CACNA1B: variants seen among roughly 807,000 people sequenced by gnomAD.
CACNA1B encodes calcium voltage-gated channel subunit alpha1 B, also known as voltage-dependent N-type calcium channel subunit alpha-1B.
Under a neutral mutation model 247.2 loss-of-function variants are expected in CACNA1B, and 70 were observed. The observed-to-expected ratio is 0.28, with a 90% CI of 0.23 to 0.35. The LOEUF (loss-of-function observed/expected upper bound fraction) is 0.35, where lower values mean the gene tolerates loss of function less well. CACNA1B is among the 10% of genes least tolerant of loss of function. The probability of loss-of-function intolerance (pLI) is 1.00; values close to 1 mark genes in which losing one functional copy is unlikely to be tolerated. For missense variants in CACNA1B, 2,367 were observed against 3,197.4 expected (o/e 0.74, Z 6.26); for synonymous variants, 1,231 against 1,294.4 (o/e 0.95, Z 1.05).
chr9:137,988,543 T>C (rs922073470), intron 15 of CACNA1B, among the ~76,000 whole-genome samples: 9 of 152,076 alleles, frequency 5.9e-5, no homozygotes, highest in African/African-American at 2.2e-4. Flanking sequence ...AGACATTACA[T>C]GCCCCCTGCT....
intron 6 of CACNA1B, among the ~76,000 whole-genome samples, chr9:137,927,747 G>A (rs928512899): frequency 6.6e-6 from 1 of 152,264 alleles, no homozygotes; most frequent in Non-Finnish European, 1.5e-5. Context: ...TTAGCTGTAC[G>A]GTTGAGTTGT....
Position 138,100,042 on chromosome 9 carries a change from C to G in CACNA1B, c.5223-2669C>G, listed in dbSNP as rs1961201562. ...GTGAGACCACATGGTGACTGTAGCT[C>G]AAGGCCAGGGCATTTCTGAGGAAGG... On this transcript the variant is annotated intron_variant, in intron 37 of 46. Transcript: ENST00000371372. The surrounding 1 kb of genome is among the most constrained non-coding windows in gnomAD (Gnocchi z 4.6). Among the ~76,000 whole-genome samples the G allele has an allele frequency of 6.6e-6, 1 of 152,248 alleles. No individual in the cohort carries two copies. The highest frequency in any genetic ancestry group is 2.1e-4 in the South Asian group (1 of 4,836).
intron 3 of CACNA1B, among the ~76,000 whole-genome samples, chr9:137,895,881 C>T (rs574755568): frequency 2.6e-5 from 4 of 152,158 alleles, no homozygotes; most frequent in South Asian, 2.1e-4. Context: ...AGTGGTGTGG[C>T]GAGAGAGGCA....
rs1217842856 is a variant in CACNA1B at position 138,020,111 on chromosome 9, A to AC, written c.2268-2900_2268-2899insC. 6.6e-6 allele frequency among the ~76,000 whole-genome samples: 1 copy of AC among 151,796 alleles called. No homozygotes were observed. The highest frequency in any genetic ancestry group is 1.5e-5 in the Non-Finnish European group (1 of 67,934). On this transcript the variant is annotated intron_variant, in intron 18 of 46. Coordinates refer to ENST00000371372, the MANE Select transcript of CACNA1B (RefSeq NM_000718.4). The surrounding 1 kb of genome is among the most constrained non-coding windows in gnomAD (Gnocchi z 4.1). ...GACTCTGTCTCCCAAAAAAAAAAAA[A>AC]AAAAAAAATGCAGATGGCAGGTATC...
intron 19 of CACNA1B, 48 bp from the exon 20 acceptor site, chr9:138,024,907 C>T (rs1190322178): frequency 3.0e-6 from 4 of 1,354,934 alleles, no homozygotes; most frequent in Admixed American, 2.0e-5. Context: ...GCCGGGATCA[C>T]AGGTGTGAGC....
At chr9:138,022,816 G>A (rs1448425671) in intron 18 of CACNA1B, among the ~76,000 whole-genome samples, 195 bp from the exon 19 acceptor site, 1 of 149,346 alleles carries the variant, frequency 6.7e-6, no homozygotes, top group Non-Finnish European at 1.5e-5. Flanking sequence ...GGGGGGGGGG[G>A]GCGGCGGGGC....
intron 21 of CACNA1B, among the ~76,000 whole-genome samples, chr9:138,046,465 C>T (rs1959186717): frequency 6.6e-6 from 1 of 152,172 alleles, no homozygotes; most frequent in Admixed American, 6.5e-5. Flanking sequence ...TTCTTCCTCT[C>T]TGAGCAACTC....
chr9:138,012,500 T>C lies in CACNA1B; in HGVS notation c.2161-629T>C, dbSNP rs756529467. Among the ~76,000 whole-genome samples, 1 of 151,826 alleles carries C rather than the reference T, an allele frequency of 6.6e-6. No individual in the cohort carries two copies. The highest frequency in any genetic ancestry group is 1.5e-5 in the Non-Finnish European group (1 of 67,948). On this transcript the variant is annotated intron_variant, in intron 17 of 46. Transcript: ENST00000371372. This position sits in a 1 kb window ranked among gnomAD's most constrained non-coding sequence, Gnocchi z 4.2. ...AGCTAACACCTGTACTCCCAGCACTTTGGGAGGCCGAGGTGGGAGGATCAC... is the reference window on the plus strand; with the variant it reads ...AGCTAACACCTGTACTCCCAGCACTCTGGGAGGCCGAGGTGGGAGGATCAC...
chr9:138,111,767 G>A (rs910705100), intron 39 of CACNA1B, among the ~76,000 whole-genome samples: 1 of 151,868 alleles, frequency 6.6e-6, no homozygotes, highest in African/African-American at 2.4e-5. Flanking sequence ...GGCCTCCCTG[G>A]CCCTTCGGGT....
rs551103770 is a variant in CACNA1B, at chr9:137,985,491, C to T, written c.1770-922C>T. 2.0e-5 allele frequency among the ~76,000 whole-genome samples: 3 copies of T among 152,314 alleles called. No individual in the cohort carries two copies. The East Asian group carries it at 5.8e-4, about 29-fold the overall frequency. ...AGGCTGGCCTAGACCCCTGCTAGTC[C>T]CAGGAGAAGGTTCAATTCCTTTCCC... On this transcript the variant is annotated intron_variant, in intron 13 of 46. Coordinates refer to ENST00000371372, the MANE Select transcript of CACNA1B (RefSeq NM_000718.4).
rs1362511646 is a variant in CACNA1B at position 137,971,891 on chromosome 9, T to G, written c.1543+299T>G. ...GGGGTCCGAGGCACCCAGGGCAGGATATATGTGGGACGACCAGGGGCGAGT... is the reference window on the plus strand; with the variant it reads ...GGGGTCCGAGGCACCCAGGGCAGGAGATATGTGGGACGACCAGGGGCGAGT... On this transcript the variant is annotated intron_variant, in intron 11 of 46. Coordinates refer to ENST00000371372, the MANE Select transcript of CACNA1B (RefSeq NM_000718.4). The surrounding 1 kb of genome is among the most constrained non-coding windows in gnomAD (Gnocchi z 4.4). Among the ~76,000 whole-genome samples the G allele has an allele frequency of 6.6e-6, 1 of 151,942 alleles. No homozygotes were observed. Among genetic ancestry groups the G allele is most frequent in the East Asian group, 1.9e-4 (1 of 5,158 alleles).
chr9:138,094,594 G>A (rs755833296), intron 36 of CACNA1B, among the ~76,000 whole-genome samples: 1 of 152,086 alleles, frequency 6.6e-6, no homozygotes, highest in Admixed American at 6.5e-5. Flanking sequence ...GAAAACTGCA[G>A]ACTTATATCC....
Position 138,050,037 on chromosome 9 carries a change from C to T in CACNA1B, c.3710+722C>T, listed in dbSNP as rs1475444194. ...GGAGGGCTGCTCCTGGTGCCACTGA[C>T]TCTGTTCTCTTTGTCTTCCTCTTGC... On this transcript the variant is annotated intron_variant, in intron 24 of 46. Transcript: ENST00000371372. This position sits in a 1 kb window ranked among gnomAD's most constrained non-coding sequence, Gnocchi z 5.2. The T allele has an allele frequency of 7.8e-7, 1 of 1,287,842 alleles. No homozygotes were observed. Among genetic ancestry groups the T allele is most frequent in the Admixed American group, 2.3e-5 (1 of 43,544 alleles). The allele number at this position is 1,287,842 out of a possible 1,614,324, so 79.8% of individuals were successfully genotyped here.
chr9:138,063,207 G>A (rs1401157981), intron 31 of CACNA1B, among the ~76,000 whole-genome samples: 1 of 151,652 alleles, frequency 6.6e-6, no homozygotes, highest in Non-Finnish European at 1.5e-5. Flanking sequence ...GGCAGGGAAC[G>A]TCTTGGGCAG....
chr9:137,986,738 T>C lies in CACNA1B; in HGVS notation c.1902-44T>C. 1 of 1,532,378 alleles carries C rather than the reference T, an allele frequency of 6.5e-7. No individual in the cohort carries two copies. Among genetic ancestry groups the C allele is most frequent in the Non-Finnish European group, 9.0e-7 (1 of 1,106,058 alleles). 94.9% of individuals were successfully genotyped at this position (1,532,378 alleles called of 1,614,324 possible). On this transcript the variant is annotated intron_variant, in intron 14 of 46. Coordinates refer to ENST00000371372, the MANE Select transcript of CACNA1B (RefSeq NM_000718.4). This position sits in a 1 kb window ranked among gnomAD's most constrained non-coding sequence, Gnocchi z 6.0. The stretch of plus-strand genomic sequence containing the variant: ...CTGGAGCCTGCAGGCGCTGCCTCGC[T>C]GCTGACGGGACTGCCACTTCCCAAG...
chr9:137,963,408 A>T (rs781676187), intron 10 of CACNA1B, among the ~76,000 whole-genome samples: 2 of 151,896 alleles, frequency 1.3e-5, no homozygotes, highest in Non-Finnish European at 2.9e-5. Flanking sequence ...TATTATTATT[A>T]TTTTTTGAGA....
intron 7 of CACNA1B, among the ~76,000 whole-genome samples, chr9:137,953,078 T>C (rs1957897715): frequency 6.6e-6 from 1 of 152,060 alleles, no homozygotes; most frequent in Non-Finnish European, 1.5e-5. Context: ...GGGAGTGGGA[T>C]GTGGTAGGCG....
chr9:137,935,039 C>G (rs1008706962), intron 6 of CACNA1B, among the ~76,000 whole-genome samples: 1 of 152,052 alleles, frequency 6.6e-6, no homozygotes, highest in Non-Finnish European at 1.5e-5. Context: ...TCAGAAGGCA[C>G]CAGAGAAAGG....
At chr9:137,926,471 A>G (rs181070985) in intron 6 of CACNA1B, among the ~76,000 whole-genome samples, 1 of 152,296 alleles carries the variant, frequency 6.6e-6, no homozygotes, top group Non-Finnish European at 1.5e-5. Context: ...TTTAACTCTT[A>G]CGAAGAGTGC....
Sources: gnomAD v4.1 joint callset for allele counts (sites outside exome capture counted in the v4.1 genomes callset) on GRCh38, gnomAD v4.1.1 for gene constraint, Gnocchi (gnomAD v3.1) non-coding constraint, MANE v1.5 for transcripts, NCBI Gene and HGNC (gene_info 2026-07-23, HGNC 2026-07-21) for gene names.